ARFIP1: variants seen among roughly 807,000 people sequenced by gnomAD.
ARFIP1 encodes the protein arfaptin-1.
In ARFIP1, 24 loss-of-function variants were observed where a neutral mutation model predicts 42.5. The observed-to-expected ratio is 0.57, with a 90% CI of 0.41 to 0.80. The LOEUF is 0.80. Ranked by LOEUF, ARFIP1 falls within the 30% of genes least tolerant of loss-of-function variation. The probability of loss-of-function intolerance (pLI) is 0.00; values close to 1 mark genes in which losing one functional copy is unlikely to be tolerated. For missense variants in ARFIP1, 354 were observed against 434.0 expected, an observed-to-expected ratio of 0.82 and a Z score of 1.64; for synonymous variants, 141 against 153.7, an observed-to-expected ratio of 0.92 and a Z score of 0.61.
chr4:152,797,374 T>G (rs939797678), intron 1 of ARFIP1, among the ~76,000 whole-genome samples: 42 of 152,192 alleles, frequency 2.8e-4, no homozygotes, highest in African/African-American at 9.7e-4. Flanking sequence ...TTTTTTGGTG[T>G]TGTAGTGTTT....
rs190004182 is a variant in ARFIP1, at chr4:152,899,464, T to G, written c.967-10600T>G. On this transcript the variant is annotated intron_variant, in intron 8 of 8. Coordinates refer to ENST00000353617, the MANE Select transcript of ARFIP1 (RefSeq NM_001025595.3). ...GGTTAATAACGATCTCCCAACTTTT[T>G]TTGAGATAACTTTATATCTCTCATC... Among the ~76,000 whole-genome samples, 643 of 152,334 alleles carry G rather than the reference T, an allele frequency of 4.2e-3. 2 individuals are homozygous for G. Among genetic ancestry groups the G allele is most frequent in the Non-Finnish European group, 7.5e-3 (509 of 68,022 alleles).
intron 1 of ARFIP1, among the ~76,000 whole-genome samples, chr4:152,793,327 GATATAT>G (rs915022932): frequency 4.2e-5 from 6 of 143,734 alleles, no homozygotes; most frequent in African/African-American, 1.5e-4. Context: ...AAAAAAAAAT[GATATAT>G]ATATATATAA....
At chr4:152,843,562 G>A (rs1204677149) in intron 2 of ARFIP1, among the ~76,000 whole-genome samples, 3 of 152,150 alleles carry the variant, frequency 2.0e-5, no homozygotes, top group Non-Finnish European at 4.4e-5. Flanking sequence ...TTGTGTTTGA[G>A]CTCAAACTAT....
At chr4:152,781,239 T>TTC (rs2149809743) in intron 1 of ARFIP1, among the ~76,000 whole-genome samples, 1 of 145,196 alleles carries the variant, frequency 6.9e-6, no homozygotes, top group African/African-American at 2.5e-5. Context: ...TTTTTCTTTT[T>TTC]TTTTTTTTTT....
At chr4:152,815,144 G>A (rs1290612437) in intron 1 of ARFIP1, among the ~76,000 whole-genome samples, 2 of 151,830 alleles carry the variant, frequency 1.3e-5, no homozygotes, top group African/African-American at 4.8e-5. Flanking sequence ...TCAGATTTTG[G>A]GATATCCCAG....
intron 1 of ARFIP1, among the ~76,000 whole-genome samples, chr4:152,784,271 G>T (rs1480513925): frequency 6.6e-6 from 1 of 152,170 alleles, no homozygotes; most frequent in Non-Finnish European, 1.5e-5. Context: ...TGTTTTCCTT[G>T]ATCTTTAGTA....
intron 7 of ARFIP1, among the ~76,000 whole-genome samples, chr4:152,883,822 AG>A (rs1431564183): frequency 6.6e-6 from 1 of 151,720 alleles, no homozygotes; most frequent in Non-Finnish European, 1.5e-5. Context: ...GTATCATTCT[AG>A]TCCCTTTTGA....
chr4:152,873,604 C>T (rs1407843351), intron 5 of ARFIP1, among the ~76,000 whole-genome samples: 4 of 152,178 alleles, frequency 2.6e-5, no homozygotes, highest in African/African-American at 7.2e-5. Context: ...CATCTTCTTG[C>T]TGATTCCACA....
At chr4:152,903,868 T>C (rs1561185353) in intron 8 of ARFIP1, among the ~76,000 whole-genome samples, 1 of 152,086 alleles carries the variant, frequency 6.6e-6, no homozygotes, top group South Asian at 2.1e-4. Context: ...AACTGACTTA[T>C]ATTGACATTT....
intron 3 of ARFIP1, among the ~76,000 whole-genome samples, chr4:152,868,810 A>G (rs1734624476): frequency 6.6e-6 from 1 of 152,198 alleles, no homozygotes; most frequent in African/African-American, 2.4e-5. Context: ...TGGATAACCT[A>G]TTAAAATGCC....
At chr4:152,789,475 T>C (rs1448054372) in intron 1 of ARFIP1, among the ~76,000 whole-genome samples, 1 of 152,236 alleles carries the variant, frequency 6.6e-6, no homozygotes, top group Non-Finnish European at 1.5e-5. Context: ...TTTTGTCCAC[T>C]GTAAAGTTAC....
intron 1 of ARFIP1, among the ~76,000 whole-genome samples, chr4:152,785,763 A>C (rs1342389529): frequency 6.6e-6 from 1 of 152,234 alleles, no homozygotes; most frequent in Non-Finnish European, 1.5e-5. Context: ...GAAAGCTGTA[A>C]ACCTGCACTG....
At chr4:152,899,758 C>T (rs1225038041) in intron 8 of ARFIP1, among the ~76,000 whole-genome samples, 1 of 152,086 alleles carries the variant, frequency 6.6e-6, no homozygotes, top group Non-Finnish European at 1.5e-5. Flanking sequence ...TTGAGTTAGT[C>T]AGTGGACACT....
intron 8 of ARFIP1, among the ~76,000 whole-genome samples, chr4:152,901,961 C>T (rs1737874592): frequency 6.6e-6 from 1 of 152,312 alleles, no homozygotes; most frequent in Non-Finnish European, 1.5e-5. Flanking sequence ...TACACTACCA[C>T]TTTTCCTTTA....
At chr4:152,809,195 G>A (rs1448608827) in intron 1 of ARFIP1, among the ~76,000 whole-genome samples, 2 of 152,198 alleles carry the variant, frequency 1.3e-5, no homozygotes, top group South Asian at 2.1e-4. Context: ...TATAGGGCAT[G>A]CTTATAGCAC....
chr4:152,821,313 G>T (rs1277424343), intron 1 of ARFIP1, among the ~76,000 whole-genome samples: 1 of 152,120 alleles, frequency 6.6e-6, no homozygotes, highest in Non-Finnish European at 1.5e-5. Context: ...CAGAACTTCT[G>T]GAAGCGAAAG....
rs562011398 is a variant in ARFIP1, at chr4:152,876,540, G to A, written c.411+3976G>A. Reference sequence around the variant, plus strand: ...TTTATAAGGGAAGCAGAGCATAAAAGTTTGGAGAATTTGCAGCCTGACTAT... The same window carrying A: ...TTTATAAGGGAAGCAGAGCATAAAAATTTGGAGAATTTGCAGCCTGACTAT... On this transcript the variant is annotated intron_variant, in intron 5 of 8. Transcript: ENST00000353617. Among the ~76,000 whole-genome samples, 119 of 152,338 alleles carry A rather than the reference G, an allele frequency of 7.8e-4. 1 individual carries two copies. The highest frequency in any genetic ancestry group is 1.4e-3 in the Non-Finnish European group (97 of 68,030).
At chr4:152,793,563 C>A (rs188663065) in intron 1 of ARFIP1, among the ~76,000 whole-genome samples, 30 of 151,984 alleles carry the variant, frequency 2.0e-4, no homozygotes, top group Admixed American at 1.6e-3. Flanking sequence ...ACATACATAC[C>A]TATGATAAAG....
At chr4:152,785,305 A>G (rs1730736187) in intron 1 of ARFIP1, among the ~76,000 whole-genome samples, 1 of 152,208 alleles carries the variant, frequency 6.6e-6, no homozygotes, top group African/African-American at 2.4e-5. Context: ...AGCCATACCA[A>G]ATAGGTAGAG....
Sources: allele counts gnomAD v4.1 joint callset (sites outside exome capture counted in the v4.1 genomes callset), GRCh38; gene constraint gnomAD v4.1.1; transcripts MANE v1.5; gene names NCBI Gene and HGNC (gene_info 2026-07-23, HGNC 2026-07-21).